The following CALN1 variants were observed in gnomAD, a reference collection of about 807,000 sequenced individuals.
The protein encoded by CALN1 is calneuron 1.
Under a neutral mutation model 30.6 loss-of-function variants are expected in CALN1, and 17 were observed. The observed-to-expected ratio is 0.56, with a 90% confidence interval of 0.38 to 0.83. CALN1 has a LOEUF of 0.83. Ranked by LOEUF, CALN1 falls within the 40% of genes least tolerant of loss-of-function variation. The probability of loss-of-function intolerance (pLI) is 0.00; values close to 1 mark genes in which losing one functional copy is unlikely to be tolerated. For missense variants in CALN1, 291 were observed against 354.9 expected, an observed-to-expected ratio of 0.82 and a Z score of 1.45; for synonymous variants, 156 against 131.4, an observed-to-expected ratio of 1.19 and a Z score of -1.28.
intron 2 of CALN1, among the ~76,000 whole-genome samples, chr7:72,373,748 G>A (rs542731482): frequency 6.6e-6 from 1 of 152,314 alleles, no homozygotes; most frequent in East Asian, 1.9e-4. Flanking sequence ...GCGTCTGTAT[G>A]TAAATCTATG....
intron 2 of CALN1, among the ~76,000 whole-genome samples, chr7:72,300,489 A>G (rs1412802653): frequency 6.6e-6 from 1 of 152,226 alleles, no homozygotes; most frequent in Non-Finnish European, 1.5e-5. Flanking sequence ...CATTCATATC[A>G]GAGTATGTTG....
intron 5 of CALN1, among the ~76,000 whole-genome samples, chr7:72,010,316 G>A (rs1239985087): frequency 6.6e-6 from 1 of 152,150 alleles, no homozygotes; most frequent in Non-Finnish European, 1.5e-5. Flanking sequence ...CAATCTGGGA[G>A]AGGGCCTTCA....
the CALN1 span, among the ~76,000 whole-genome samples, chr7:72,459,577 G>C: frequency 6.9e-6 from 1 of 145,162 alleles, no homozygotes; most frequent in Non-Finnish European, 1.5e-5. Flanking sequence ...AGTGAGCTAT[G>C]ATGGTGCCAC....
Position 71,785,728 on chromosome 7 carries a change from A to G in CALN1, c.*2047T>C, listed in dbSNP as rs1792953448. The G allele has an allele frequency of 6.6e-6, 1 of 152,338 alleles. No individual in the cohort carries two copies. Among genetic ancestry groups the G allele is most frequent in the Non-Finnish European group, 1.5e-5 (1 of 68,084 alleles). The allele number at this position is 152,338 out of a possible 1,614,324, so 9.4% of individuals were successfully genotyped here. A position where few individuals can be genotyped will look rare whatever the true frequency, so the allele number is the denominator to read the frequency against. On this transcript the variant is annotated 3_prime_UTR_variant, in exon 7 of 7. Coordinates refer to ENST00000395275, the MANE Select transcript of CALN1 (RefSeq NM_031468.4). The stretch of plus-strand genomic sequence containing the variant: ...CAGAGATTAAGGATGAAGTTGTTCG[A>G]TGTATTAATATTCTGCATTTGGACC...
the CALN1 span, among the ~76,000 whole-genome samples, chr7:72,473,253 G>A: frequency 2.6e-5 from 4 of 151,990 alleles, no homozygotes; most frequent in Non-Finnish European, 4.4e-5. Flanking sequence ...GCCCGGCCCA[G>A]CCTGTTCTTG....
chr7:72,481,646 ATGT>A, the CALN1 span, among the ~76,000 whole-genome samples: 46 of 152,144 alleles, frequency 3.0e-4, no homozygotes, highest in African/African-American at 1.1e-3. Context: ...ACACATTTTG[ATGT>A]TGTTGTATTT....
intron 4 of CALN1, among the ~76,000 whole-genome samples, chr7:72,074,453 G>A (rs1219047740): frequency 9.2e-5 from 14 of 152,132 alleles, no homozygotes; most frequent in Non-Finnish European, 1.9e-4. Context: ...TGTCAACCAG[G>A]CTAGAGTACA....
chr7:72,354,813 C>T (rs73131467), intron 2 of CALN1, among the ~76,000 whole-genome samples: 7,003 of 152,044 alleles, frequency 0.046, 232 homozygotes, highest in Non-Finnish European at 0.068. Context: ...GGATCGTAGA[C>T]CTAAAAGATA....
intron 2 of CALN1, among the ~76,000 whole-genome samples, chr7:72,391,102 G>A (rs1183671337): frequency 6.6e-6 from 1 of 152,122 alleles, no homozygotes; most frequent in Admixed American, 6.5e-5. Flanking sequence ...TAATCGGCTT[G>A]TGGAGAATTG....
chr7:72,501,370 T>TAAAAAAAAAAAAAAAAAAA, the CALN1 span, among the ~76,000 whole-genome samples: 4 of 42,798 alleles, frequency 9.3e-5, no homozygotes, highest in African/African-American at 3.0e-4. Context: ...ACGTCTCTAT[T>TAAAAAAAAAAAAAAAAAAA]AAAAAAAAAA....
At chr7:72,102,285 A>C in intron 4 of CALN1, among the ~76,000 whole-genome samples, 1 of 152,018 alleles carries the variant, frequency 6.6e-6, no homozygotes, top group East Asian at 1.9e-4. Flanking sequence ...TCTCTACTAA[A>C]AATACAAAAA....
At chr7:71,884,217 CAGCCTCTTTGGTT>C (rs1402848638) in intron 5 of CALN1, among the ~76,000 whole-genome samples, 9 of 152,080 alleles carry the variant, frequency 5.9e-5, no homozygotes, top group Non-Finnish European at 1.3e-4. Context: ...CCGGCCATAT[CAGCCTCTTTGGTT>C]AGCCTCTCAG....
chr7:72,326,241 C>A (rs1801267892), intron 2 of CALN1, among the ~76,000 whole-genome samples: 1 of 152,092 alleles, frequency 6.6e-6, no homozygotes, highest in African/African-American at 2.4e-5. Context: ...AAACTCAGAT[C>A]CTGATCGTCC....
In CALN1 at chr7:72,314,716, T is replaced by C. The variant is rs930294081; in HGVS notation, c.120-35906A>G. On this transcript the variant is annotated intron_variant, in intron 2 of 6. Transcript: ENST00000395275. Reference sequence around the variant, plus strand: ...AGGCGTGAGCCACCGTGCCCGGCCATATTTTTTAATTTTTAAAAGAACGCA... The same window carrying C: ...AGGCGTGAGCCACCGTGCCCGGCCACATTTTTTAATTTTTAAAAGAACGCA... 2.6e-5 allele frequency among the ~76,000 whole-genome samples: 4 copies of C among 151,718 alleles called. No homozygotes were observed. The East Asian group carries it at 7.8e-4, about 29-fold the overall frequency.
chr7:72,380,457 T>C (rs763426597), intron 2 of CALN1, among the ~76,000 whole-genome samples: 5 of 152,244 alleles, frequency 3.3e-5, no homozygotes, highest in Middle Eastern at 3.4e-3. Flanking sequence ...ACCCCGTCTC[T>C]ACGAAAAATA....
intron 3 of CALN1, among the ~76,000 whole-genome samples, chr7:72,150,897 A>G (rs1182396493): frequency 1.3e-5 from 2 of 151,850 alleles, no homozygotes; most frequent in Admixed American, 6.6e-5. Flanking sequence ...GATGATGATG[A>G]TGATGATGGT....
intron 5 of CALN1, among the ~76,000 whole-genome samples, chr7:71,847,846 G>GAA (rs761917618): frequency 0.12 from 10,379 of 89,524 alleles, 1,113 homozygotes; most frequent in African/African-American, 0.29. Context: ...AGAAGGAGAA[G>GAA]GAGAAGAAGA....
intron 3 of CALN1, among the ~76,000 whole-genome samples, chr7:72,184,207 G>A (rs1437086072): frequency 1.3e-5 from 2 of 152,148 alleles, no homozygotes; most frequent in African/African-American, 2.4e-5. Context: ...CTTCGAATAC[G>A]TTGACATATC....
At position 72,147,056 on chromosome 7, in the gene CALN1, A is replaced by G. The variant is rs557193763; in HGVS notation, c.245-40762T>C. On this transcript the variant is annotated intron_variant, in intron 3 of 6. Coordinates refer to ENST00000395275, the MANE Select transcript of CALN1 (RefSeq NM_031468.4). ...GCAATACCATTCAGGACATAGGCAT[A>G]GGCAAGGACTTCATGTCTAAAACAC... 5.0e-3 allele frequency among the ~76,000 whole-genome samples: 754 copies of G among 152,118 alleles called. 5 individuals are homozygous for G. The highest frequency in any genetic ancestry group is 0.016 in the African/African-American group (665 of 41,528).
Sources: gnomAD v4.1 joint callset for allele counts (sites outside exome capture counted in the v4.1 genomes callset) on GRCh38, gnomAD v4.1.1 for gene constraint, MANE v1.5 for transcripts, NCBI Gene and HGNC (gene_info 2026-07-23, HGNC 2026-07-21) for gene names.